The following TSPAN5 variants were observed in gnomAD, a reference collection of about 807,000 sequenced individuals.
The protein encoded by TSPAN5 is tetraspanin 5, also known as tetraspanin-5.
TSPAN5 carries 10 observed loss-of-function variants against 37.1 expected under a neutral mutation model. That is an observed-to-expected ratio of 0.27 (90% CI 0.17 to 0.46). TSPAN5 has a LOEUF of 0.46. Ranked by LOEUF, TSPAN5 falls within the 20% of genes least tolerant of loss-of-function variation. The probability of loss-of-function intolerance (pLI) is 1.00; values close to 1 mark genes in which losing one functional copy is unlikely to be tolerated. For synonymous variants in TSPAN5, 110 were observed against 118.9 expected, an observed-to-expected ratio of 0.93 and a Z score of 0.48; for missense variants, 195 against 326.6, an observed-to-expected ratio of 0.60 and a Z score of 3.11.
chr4:98,631,698 G>C (rs939631544), intron 1 of TSPAN5, among the ~76,000 whole-genome samples: 1 of 152,136 alleles, frequency 6.6e-6, no homozygotes, highest in African/African-American at 2.4e-5. Flanking sequence ...CTTCAGACTA[G>C]TGGTGTCATA....
rs1465383396 is a variant in TSPAN5, at chr4:98,501,262, C to G, written c.132+6416G>C. Among the ~76,000 whole-genome samples, 5 of 152,172 alleles carry G rather than the reference C, an allele frequency of 3.3e-5. No individual in the cohort carries two copies. The East Asian group carries it at 9.6e-4, about 29-fold the overall frequency. ...CTTCAGAAACCACACGTATTTACCT[C>G]CTTTTATTCTGTAAGAATCGCTAAT... On this transcript the variant is annotated intron_variant, in intron 2 of 7. Coordinates refer to ENST00000305798, the MANE Select transcript of TSPAN5 (RefSeq NM_005723.4).
chr4:98,597,945 T>A (rs890184103), intron 1 of TSPAN5, among the ~76,000 whole-genome samples: 1 of 98,112 alleles, frequency 1.0e-5, no homozygotes, highest in African/African-American at 5.6e-5. Flanking sequence ...CAGGCCTCCT[T>A]GAGCTGTGGT....
chr4:98,503,936 C>T (rs186195532), intron 2 of TSPAN5, among the ~76,000 whole-genome samples: 17 of 152,298 alleles, frequency 1.1e-4, no homozygotes, highest in African/African-American at 3.9e-4. Context: ...TGAACAATTG[C>T]ACATAAATCA....
chr4:98,501,974 G>C (rs566469719), intron 2 of TSPAN5, among the ~76,000 whole-genome samples: 1 of 152,302 alleles, frequency 6.6e-6, no homozygotes, highest in African/African-American at 2.4e-5. Context: ...ACTTAGAACA[G>C]GGTATAACAG....
At chr4:98,632,581 G>A (rs1756772226) in intron 1 of TSPAN5, among the ~76,000 whole-genome samples, 1 of 152,130 alleles carries the variant, frequency 6.6e-6, no homozygotes, top group African/African-American at 2.4e-5. Context: ...CGAAAACCCT[G>A]CCCTGAGTGT....
At chr4:98,603,579 T>C (rs1755934905) in intron 1 of TSPAN5, among the ~76,000 whole-genome samples, 1 of 152,170 alleles carries the variant, frequency 6.6e-6, no homozygotes, top group South Asian at 2.1e-4. Flanking sequence ...TCTCAATTCA[T>C]GGGAATAAAG....
intron 2 of TSPAN5, among the ~76,000 whole-genome samples, chr4:98,499,011 G>A (rs185280930): frequency 1.3e-5 from 2 of 152,346 alleles, no homozygotes; most frequent in African/African-American, 2.4e-5. Flanking sequence ...GTGTGAAGAA[G>A]TGACCTCAGA....
chr4:98,472,299 AG>A lies in TSPAN5; in HGVS notation c.*222del. ...CTGTCCATAAATTCATGGCTACAGT[AG>A]AGATTCACGGCGCAACGACTTTCAT... On this transcript the variant is annotated 3_prime_UTR_variant, in exon 8 of 8. Coordinates refer to ENST00000305798, the MANE Select transcript of TSPAN5 (RefSeq NM_005723.4). 2.3e-6 allele frequency: 1 copy of A among 434,070 alleles called. No individual in the cohort carries two copies. 26.9% of individuals were successfully genotyped at this position (434,070 alleles called of 1,614,324 possible).
chr4:98,556,610 A>G (rs1028740227), intron 1 of TSPAN5, among the ~76,000 whole-genome samples: 8 of 152,214 alleles, frequency 5.3e-5, no homozygotes, highest in Admixed American at 1.3e-4. Context: ...TTTTTCTGTT[A>G]ACATTCTTTT....
intron 1 of TSPAN5, among the ~76,000 whole-genome samples, chr4:98,576,497 T>TG (rs1755239517): frequency 1.3e-5 from 2 of 152,140 alleles, no homozygotes; most frequent in African/African-American, 4.8e-5. Flanking sequence ...CAACATACTT[T>TG]GGGAGGTCGA....
intron 5 of TSPAN5, among the ~76,000 whole-genome samples, chr4:98,478,161 C>T (rs189667242): frequency 3.0e-3 from 464 of 152,262 alleles, no homozygotes; most frequent in Non-Finnish European, 4.7e-3. Flanking sequence ...CAGTCCAGGC[C>T]TATCTTGTCT....
chr4:98,653,328 G>A (rs1757230650), intron 1 of TSPAN5, among the ~76,000 whole-genome samples: 1 of 151,974 alleles, frequency 6.6e-6, no homozygotes, highest in African/African-American at 2.4e-5. Context: ...CAAATTAGAG[G>A]CAAGATCCTG....
chr4:98,607,114 TG>T (rs1269635376), intron 1 of TSPAN5, among the ~76,000 whole-genome samples: 1 of 152,172 alleles, frequency 6.6e-6, no homozygotes, highest in Non-Finnish European at 1.5e-5. Context: ...TCACTGTGCT[TG>T]TTAAGTTGTC....
intron 1 of TSPAN5, among the ~76,000 whole-genome samples, chr4:98,569,694 G>C (rs1755078843): frequency 6.6e-6 from 1 of 152,216 alleles, no homozygotes; most frequent in South Asian, 2.1e-4. Context: ...CTGGGACTCA[G>C]AGTGGGGCCC....
At chr4:98,476,701 T>A (rs1752709297) in intron 5 of TSPAN5, among the ~76,000 whole-genome samples, 1 of 152,142 alleles carries the variant, frequency 6.6e-6, no homozygotes, top group African/African-American at 2.4e-5. Flanking sequence ...TTGGGGAATA[T>A]CAGAAAAGAC....
At chr4:98,549,292 G>GGTTTTTTTTT (rs1560532920) in intron 1 of TSPAN5, among the ~76,000 whole-genome samples, 1 of 147,114 alleles carries the variant, frequency 6.8e-6, no homozygotes, top group African/African-American at 2.6e-5. Context: ...TTGTTTGTTT[G>GGTTTTTTTTT]TTTGTTTTTG....
intron 1 of TSPAN5, among the ~76,000 whole-genome samples, chr4:98,652,509 GACTT>G (rs900390959): frequency 6.6e-6 from 1 of 152,166 alleles, no homozygotes; most frequent in Non-Finnish European, 1.5e-5. Flanking sequence ...AGATGTAAAT[GACTT>G]ACTTGATGTT....
intron 1 of TSPAN5, among the ~76,000 whole-genome samples, chr4:98,555,903 C>A (rs1754731493): frequency 6.6e-6 from 1 of 152,118 alleles, no homozygotes; most frequent in Admixed American, 6.5e-5. Flanking sequence ...ATATCCTTAG[C>A]AAAAGCAAAG....
chr4:98,650,287 G>A (rs561278744), intron 1 of TSPAN5, among the ~76,000 whole-genome samples: 11 of 152,162 alleles, frequency 7.2e-5, no homozygotes, highest in South Asian at 2.1e-4. Flanking sequence ...GGCTTCCTAC[G>A]TTTACAAAAA....
Sources: allele counts gnomAD v4.1 joint callset (sites outside exome capture counted in the v4.1 genomes callset), GRCh38; gene constraint gnomAD v4.1.1; transcripts MANE v1.5; gene names NCBI Gene and HGNC (gene_info 2026-07-23, HGNC 2026-07-21).